The following FHIT variants were observed in gnomAD, a reference collection of about 807,000 sequenced individuals.
FHIT encodes bis(5'-adenosyl)-triphosphatase.
FHIT carries 19 observed loss-of-function variants against 17.9 expected under a neutral mutation model. The ratio of observed to expected loss-of-function variants is 1.06; its 90% CI spans 0.74 to 1.56. The LOEUF is 1.56. Ranked by LOEUF, FHIT falls within the 40% of genes most tolerant of loss-of-function variation. The probability of loss-of-function intolerance (pLI) is 0.00; values close to 1 mark genes in which losing one functional copy is unlikely to be tolerated. For missense variants in FHIT, 248 were observed against 189.2 expected, an observed-to-expected ratio of 1.31 and a Z score of -1.82; for synonymous variants, 81 against 69.7, an observed-to-expected ratio of 1.16 and a Z score of -0.81.
chr3:61,188,921 T>C (rs2038617045), intron 2 of FHIT, among the ~76,000 whole-genome samples: 1 of 152,070 alleles, frequency 6.6e-6, no homozygotes, highest in African/African-American at 2.4e-5. Context: ...GAGGTATTGA[T>C]GGGACATATC....
intron 4 of FHIT, among the ~76,000 whole-genome samples, chr3:60,652,050 C>T: frequency 6.6e-6 from 1 of 152,126 alleles, no homozygotes. Flanking sequence ...AAACCACAGC[C>T]TAAAAAGGGA....
At chr3:59,840,375 C>G (rs913441140) in intron 8 of FHIT, among the ~76,000 whole-genome samples, 1 of 139,432 alleles carries the variant, frequency 7.2e-6, no homozygotes, top group African/African-American at 2.6e-5. Flanking sequence ...TGCATCATGT[C>G]ACCAGATTAT....
At chr3:61,030,385 T>G (rs2032953425) in intron 3 of FHIT, among the ~76,000 whole-genome samples, 1 of 152,380 alleles carries the variant, frequency 6.6e-6, no homozygotes, top group African/African-American at 2.4e-5. Flanking sequence ...CAGTGTCATT[T>G]ATGGTATGTA....
intron 7 of FHIT, among the ~76,000 whole-genome samples, chr3:59,960,888 T>G (rs1559500485): frequency 6.6e-6 from 1 of 152,152 alleles, no homozygotes; most frequent in Non-Finnish European, 1.5e-5. Context: ...TTTCAGAAGA[T>G]CCACATGAGA....
intron 5 of FHIT, among the ~76,000 whole-genome samples, chr3:60,524,787 G>T (rs750752335): frequency 2.0e-5 from 3 of 152,196 alleles, no homozygotes; most frequent in Non-Finnish European, 4.4e-5. Context: ...ACTCTTATAA[G>T]GACACTGCCA....
intron 5 of FHIT, among the ~76,000 whole-genome samples, chr3:60,310,615 C>T (rs1708897579): frequency 6.6e-6 from 1 of 152,102 alleles, no homozygotes; most frequent in South Asian, 2.1e-4. Flanking sequence ...CTGGAGCCTC[C>T]AGTCCAACCT....
At chr3:60,180,548 T>G (rs988181008) in intron 5 of FHIT, among the ~76,000 whole-genome samples, 2 of 152,176 alleles carry the variant, frequency 1.3e-5, no homozygotes, top group African/African-American at 4.8e-5. Context: ...TATCCTGAAG[T>G]ACTGTTTCTA....
At chr3:61,004,770 A>G (rs2031330657) in intron 3 of FHIT, among the ~76,000 whole-genome samples, 1 of 152,202 alleles carries the variant, frequency 6.6e-6, no homozygotes, top group South Asian at 2.1e-4. Flanking sequence ...CAGCAGGTGG[A>G]AAAGGATAGC....
intron 5 of FHIT, among the ~76,000 whole-genome samples, chr3:60,218,848 C>T (rs979814377): frequency 6.6e-6 from 1 of 151,718 alleles, no homozygotes; most frequent in South Asian, 2.1e-4. Flanking sequence ...GCTCTTAACT[C>T]TATACTGCCT....
chr3:60,450,526 G>A (rs138454073), intron 5 of FHIT, among the ~76,000 whole-genome samples: 3 of 152,252 alleles, frequency 2.0e-5, no homozygotes, highest in Non-Finnish European at 4.4e-5. Flanking sequence ...CACTCCAGAG[G>A]AAGTGAGTTT....
chr3:60,418,376 GTATATATATATATA>G (rs869203310), intron 5 of FHIT, among the ~76,000 whole-genome samples: 13 of 14,918 alleles, frequency 8.7e-4, no homozygotes, highest in African/African-American at 2.7e-3. Flanking sequence ...CTGAATGTGT[GTATATATATATATA>G]TATATATATA....
chr3:60,603,753 A>T (rs1489355982), intron 4 of FHIT, among the ~76,000 whole-genome samples: 1 of 152,154 alleles, frequency 6.6e-6, no homozygotes, highest in African/African-American at 2.4e-5. Flanking sequence ...ATTGCAAAGT[A>T]CACTAGAAGT....
chr3:60,365,880 A>T (rs76683089), intron 5 of FHIT, among the ~76,000 whole-genome samples: 2 of 152,292 alleles, frequency 1.3e-5, no homozygotes, highest in East Asian at 3.9e-4. Flanking sequence ...AACAAAATAT[A>T]CCTGATTAAC....
intron 8 of FHIT, among the ~76,000 whole-genome samples, chr3:59,892,010 G>A (rs1703874574): frequency 6.6e-6 from 1 of 152,190 alleles, no homozygotes; most frequent in South Asian, 2.1e-4. Flanking sequence ...AAAAGCTACA[G>A]ATGCCATTCG....
intron 5 of FHIT, among the ~76,000 whole-genome samples, chr3:60,193,854 T>C (rs1028809679): frequency 3.9e-5 from 6 of 152,106 alleles, no homozygotes; most frequent in African/African-American, 1.4e-4. Flanking sequence ...GCCAAAGTGG[T>C]TCAGGAAAAC....
At chr3:60,220,541 C>G (rs972564741) in intron 5 of FHIT, among the ~76,000 whole-genome samples, 1 of 151,912 alleles carries the variant, frequency 6.6e-6, no homozygotes, top group Non-Finnish European at 1.5e-5. Context: ...AAGATGAATT[C>G]AAATTATTTA....
intron 8 of FHIT, among the ~76,000 whole-genome samples, chr3:59,767,675 G>C (rs186028791): frequency 3.3e-4 from 50 of 152,258 alleles, no homozygotes; most frequent in Non-Finnish European, 6.9e-4. Flanking sequence ...AGTGCTTGCT[G>C]TCTGCCTGGC....
chr3:59,931,443 G>C (rs17301647), intron 7 of FHIT, among the ~76,000 whole-genome samples: 22,450 of 152,146 alleles, frequency 0.15, 2,070 homozygotes, highest in Middle Eastern at 0.25. Context: ...GGACTTTGAG[G>C]ATACCTCAGC....
intron 4 of FHIT, chr3:60,729,940 A>T (rs1220217026): frequency 5.7e-6 from 1 of 174,240 alleles, no homozygotes; most frequent in Non-Finnish European, 1.2e-5. Flanking sequence ...ATAAGCTGTG[A>T]CTGTATAGTT....
Sources: gnomAD v4.1 joint callset for allele counts (sites outside exome capture counted in the v4.1 genomes callset) on GRCh38, gnomAD v4.1.1 for gene constraint, MANE v1.5 for transcripts, NCBI Gene and HGNC (gene_info 2026-07-23, HGNC 2026-07-21) for gene names.